TENM1: variants seen among roughly 807,000 people sequenced by gnomAD.
TENM1 encodes the protein teneurin-1.
In TENM1, 35 loss-of-function variants were observed where a neutral mutation model predicts 174.8. That is an observed-to-expected ratio of 0.20 (90% CI 0.15 to 0.27). The LOEUF (loss-of-function observed/expected upper bound fraction) is 0.27. Ranked by LOEUF, TENM1 falls within the 10% of genes least tolerant of loss-of-function variation. The probability of loss-of-function intolerance (pLI) is 1.00; values close to 1 mark genes in which losing one functional copy is unlikely to be tolerated. For missense variants in TENM1, 1,633 were observed against 2,130.1 expected, an observed-to-expected ratio of 0.77 and a Z score of 4.59; for synonymous variants, 781 against 798.7, an observed-to-expected ratio of 0.98 and a Z score of 0.37.
At chrX:124,565,235 C>A (rs2048914990) in intron 12 of TENM1, 140 bp downstream of exon 15, 1 of 379,659 alleles carries the variant, frequency 2.6e-6, no homozygotes. Context: ...GTTCACAAAA[C>A]TTTAAAACTT....
chrX:124,971,078 T>G, the TENM1 span, among the ~76,000 whole-genome samples: 1 of 93,029 alleles, frequency 1.1e-5, no homozygotes, highest in Non-Finnish European at 2.1e-5. Flanking sequence ...TAGGTGGGAA[T>G]TGAACAATGA....
At chrX:124,745,644 G>A (rs946143650) in intron 3 of TENM1, among the ~76,000 whole-genome samples, 1 of 110,722 alleles carries the variant, frequency 9.0e-6, no homozygotes, top group Admixed American at 9.7e-5. Flanking sequence ...GTACAACTCT[G>A]ATCTTATAAG....
intron 25 of TENM1, among the ~76,000 whole-genome samples, chrX:124,408,844 A>G (rs1332631201): frequency 1.5e-4 from 8 of 53,805 alleles, no homozygotes; most frequent in Middle Eastern, 0.016. Context: ...AACAGGCCCC[A>G]GAGTGTGATG....
chrX:125,050,572 T>C, the TENM1 span, among the ~76,000 whole-genome samples: 23 of 111,970 alleles, frequency 2.1e-4, no homozygotes, highest in Admixed American at 2.2e-3. Context: ...TGTTGGACAT[T>C]TGGGTTGGTT....
intron 11 of TENM1, among the ~76,000 whole-genome samples, chrX:124,636,597 T>C (rs1354247804): frequency 8.9e-6 from 1 of 112,086 alleles, no homozygotes. Flanking sequence ...ACTAATCTAT[T>C]CACCTGAGTT....
rs186583326 is a variant in TENM1, at chrX:124,948,424, C to A, written c.217+15113G>T. Among the ~76,000 whole-genome samples the A allele has an allele frequency of 1.3e-4, 15 of 112,760 alleles. 1 individual carries two copies. The East Asian group carries it at 4.2e-3, about 31-fold the overall frequency. ...GATGCTTTAACAAGTTGTAGTCAAGCAAGACTCTTCTAAACCAACTGATTA... is the reference window on the plus strand; with the variant it reads ...GATGCTTTAACAAGTTGTAGTCAAGAAAGACTCTTCTAAACCAACTGATTA... On this transcript the variant is annotated intron_variant, in intron 1 of 31. Transcript: ENST00000422452.
intron 3 of TENM1, among the ~76,000 whole-genome samples, chrX:124,871,297 C>T (rs2057104165): frequency 8.9e-6 from 1 of 112,005 alleles, no homozygotes; most frequent in Non-Finnish European, 1.9e-5. Context: ...TGTTACAAGG[C>T]TGTATGATTT....
At chrX:124,596,555 T>G (rs963180964) in intron 11 of TENM1, among the ~76,000 whole-genome samples, 13 of 112,104 alleles carry the variant, frequency 1.2e-4, no homozygotes, top group African/African-American at 4.2e-4. Flanking sequence ...TAATTTAATT[T>G]GAAGGTGTCA....
intron 6 of TENM1, among the ~76,000 whole-genome samples, chrX:124,662,734 G>A (rs142398952): frequency 3.6e-5 from 4 of 111,380 alleles, no homozygotes; most frequent in East Asian, 2.8e-4. Context: ...AAGGTCTGGC[G>A]CAAACTACTT....
At chrX:124,542,003 C>T (rs1056378456) in intron 15 of TENM1, among the ~76,000 whole-genome samples, 2 of 112,052 alleles carry the variant, frequency 1.8e-5, no homozygotes, top group African/African-American at 3.2e-5. Flanking sequence ...AGGCTAGCTA[C>T]CATGCCAGTA....
intron 23 of TENM1, among the ~76,000 whole-genome samples, chrX:124,438,117 C>A (rs944101564): frequency 9.0e-6 from 1 of 111,467 alleles, no homozygotes; most frequent in East Asian, 2.8e-4. Flanking sequence ...TCCCTAGAAC[C>A]TGAAGACACT....
chrX:124,817,233 G>A (rs775709211), intron 3 of TENM1, among the ~76,000 whole-genome samples: 1 of 111,332 alleles, frequency 9.0e-6, no homozygotes, highest in South Asian at 3.8e-4. Context: ...ATTTTTTATG[G>A]CTGCATAGTA....
chrX:124,391,678 C>T (rs2060283922), intron 28 of TENM1, among the ~76,000 whole-genome samples: 2 of 111,739 alleles, frequency 1.8e-5, no homozygotes, highest in African/African-American at 6.5e-5. Context: ...GGGTAAAAAG[C>T]CCTTTACCAG....
chrX:125,139,881 GAGAGAGAGAC>G, the TENM1 span, among the ~76,000 whole-genome samples: 3 of 82,960 alleles, frequency 3.6e-5, no homozygotes, highest in East Asian at 3.9e-4. Flanking sequence ...GAGAGAGAGA[GAGAGAGAGAC>G]AGAGAATGAG....
intron 23 of TENM1, among the ~76,000 whole-genome samples, chrX:124,425,998 GTGT>G (rs2060710595): frequency 8.8e-4 from 3 of 3,409 alleles, no homozygotes; most frequent in Non-Finnish European, 2.1e-3. Flanking sequence ...AAGGACTGGT[GTGT>G]GTGTGTGTGT....
the TENM1 span, among the ~76,000 whole-genome samples, chrX:125,156,046 C>CA: frequency 8.9e-6 from 1 of 112,282 alleles, no homozygotes; most frequent in Non-Finnish European, 1.9e-5. Flanking sequence ...AAGGAGACCA[C>CA]AAAAAAGTAG....
At chrX:124,517,079 A>G (rs1399927364) in intron 18 of TENM1, among the ~76,000 whole-genome samples, 2 of 111,255 alleles carry the variant, frequency 1.8e-5, no homozygotes, top group African/African-American at 3.3e-5. Context: ...GTTCTCTCTT[A>G]TAAGTGGGAG....
chrX:125,151,442 C>CT, the TENM1 span, among the ~76,000 whole-genome samples: 1 of 111,390 alleles, frequency 9.0e-6, no homozygotes, highest in African/African-American at 3.3e-5. Flanking sequence ...AGAGAAAATG[C>CT]TTGTAAAAGG....
At chrX:124,699,103 T>A (rs2052716500) in intron 5 of TENM1, among the ~76,000 whole-genome samples, 1 of 112,071 alleles carries the variant, frequency 8.9e-6, no homozygotes, top group Admixed American at 9.5e-5. Context: ...AATATTCACA[T>A]ATCTATGTAT....
Sources: gnomAD v4.1 joint callset for allele counts (sites outside exome capture counted in the v4.1 genomes callset) on GRCh38, gnomAD v4.1.1 for gene constraint, MANE v1.5 for transcripts, NCBI Gene and HGNC (gene_info 2026-07-23, HGNC 2026-07-21) for gene names.